Variants in NTPCR observed in about 807,000 individuals in gnomAD.
The protein encoded by NTPCR is cancer-related nucleoside-triphosphatase.
A neutral mutation model predicts 19.5 loss-of-function variants in NTPCR; 15 were observed. The observed-to-expected ratio is 0.77, with a 90% CI of 0.51 to 1.18. The LOEUF (loss-of-function observed/expected upper bound fraction) is 1.18. Among genes scored for constraint, NTPCR ranks in the 50% most tolerant of loss-of-function variants. The probability of loss-of-function intolerance (pLI) is 0.00; values close to 1 mark genes in which losing one functional copy is unlikely to be tolerated. For missense variants in NTPCR, 206 were observed against 240.4 expected (o/e 0.86, Z 0.95); for synonymous variants, 90 against 95.8 (o/e 0.94, Z 0.36).
chr1:232,957,136 CA>C (rs780588776), intron 3 of NTPCR, among the ~76,000 whole-genome samples: 5 of 152,196 alleles, frequency 3.3e-5, no homozygotes, highest in African/African-American at 7.2e-5. Flanking sequence ...TCTTTATTCA[CA>C]AAAGATATGG....
rs532543680 is a variant in NTPCR, at chr1:232,957,086, A to G, written c.294+643A>G. ...ATGATGTTAACTGTGTCTTATTTGTATAGAGTTTACTCAGGCGTATTTTGT... is the reference window on the plus strand; with the variant it reads ...ATGATGTTAACTGTGTCTTATTTGTGTAGAGTTTACTCAGGCGTATTTTGT... On this transcript the variant is annotated intron_variant, in intron 3 of 4. Coordinates refer to ENST00000366628, the MANE Select transcript of NTPCR (RefSeq NM_032324.3). Among the ~76,000 whole-genome samples the G allele has an allele frequency of 5.9e-5, 9 of 152,288 alleles. No homozygotes were observed. In the South Asian group the frequency reaches 6.2e-4, roughly 11 times the overall value.
chr1:232,951,884 A>G (rs1668374967), intron 1 of NTPCR, among the ~76,000 whole-genome samples: 1 of 152,124 alleles, frequency 6.6e-6, no homozygotes, highest in Admixed American at 6.5e-5. Flanking sequence ...CCTTTATTTG[A>G]AACTTGGAAT....
chr1:232,955,050 T>A (rs1245769903), intron 1 of NTPCR, among the ~76,000 whole-genome samples: 2 of 152,244 alleles, frequency 1.3e-5, no homozygotes, highest in East Asian at 1.9e-4. Flanking sequence ...GAGACACATT[T>A]TCAGGAGTTA....
intron 4 of NTPCR, among the ~76,000 whole-genome samples, chr1:232,973,373 G>C (rs1222427519): frequency 6.6e-6 from 1 of 152,186 alleles, no homozygotes; most frequent in Non-Finnish European, 1.5e-5. Context: ...TTTTAGACAA[G>C]ATAGAGTAGA....
intron 4 of NTPCR, 110 bp downstream of exon 4, chr1:232,970,228 T>C: frequency 1.2e-6 from 1 of 850,190 alleles, no homozygotes; most frequent in East Asian, 2.6e-5. Context: ...TTCCCTTCCA[T>C]GCTGAAATGT....
intron 1 of NTPCR, among the ~76,000 whole-genome samples, chr1:232,951,775 AG>A (rs1280472574): frequency 2.0e-5 from 3 of 152,130 alleles, no homozygotes; most frequent in African/African-American, 7.2e-5. Context: ...GTTGGGGAGC[AG>A]GGGGTGAGGA....
intron 3 of NTPCR, among the ~76,000 whole-genome samples, chr1:232,957,128 T>G (rs1668533338): frequency 6.6e-6 from 1 of 152,224 alleles, no homozygotes; most frequent in African/African-American, 2.4e-5. Context: ...TTTCTGCATC[T>G]TTATTCACAA....
rs796692879 is a variant in NTPCR, at chr1:232,960,349, CT to C, written c.294+3918del. 1.9e-3 allele frequency among the ~76,000 whole-genome samples: 267 copies of C among 142,122 alleles called. 1 individual carries two copies. The highest frequency in any genetic ancestry group is 0.012 in the East Asian group (60 of 4,862). 93.2% of individuals were successfully genotyped at this position (142,122 alleles called of 152,430 possible). ...ATGTTTCTTGTTTCTTTTTCTTTTC[CT>C]TTTTTTTTTTTGAGACAGAGTCTTG... is the stretch of plus-strand genomic sequence containing the variant. On this transcript the variant is annotated intron_variant, in intron 3 of 4. Coordinates refer to ENST00000366628, the MANE Select transcript of NTPCR (RefSeq NM_032324.3).
At chr1:232,970,214 T>A in intron 4 of NTPCR, 96 bp downstream of exon 4, 1 of 991,334 alleles carries the variant, frequency 1.0e-6, no homozygotes. Flanking sequence ...TGAGTTAACA[T>A]TTTTTCCCTT....
rs751586642 is a variant in NTPCR at position 232,976,423 on chromosome 1, C to T, written c.505-1740C>T. 10 of 1,550,628 alleles carry T rather than the reference C, an allele frequency of 6.4e-6. 1 individual carries two copies. Among genetic ancestry groups the T allele is most frequent in the South Asian group, 5.9e-5 (5 of 84,056 alleles). On this transcript the variant is annotated intron_variant, in intron 4 of 4. Transcript: ENST00000366628. ...CACTCTCACAGAGCCTGGCTGGAGG[C>T]AGAAGCTACTGCAATCACTGCTGAA...
At chr1:232,950,935 A>G (rs1571948780) in intron 1 of NTPCR, 191 bp downstream of exon 1, 1 of 566,876 alleles carries the variant, frequency 1.8e-6, no homozygotes, top group African/African-American at 1.9e-5. Flanking sequence ...TAAAAGACAC[A>G]GGGCCTAAAG....
chr1:232,970,758 T>A (rs1037668563), intron 4 of NTPCR, among the ~76,000 whole-genome samples: 2 of 152,240 alleles, frequency 1.3e-5, no homozygotes, highest in Admixed American at 6.5e-5. Context: ...GAATTAAACA[T>A]TTGGATTCTC....
Position 232,978,242 on chromosome 1 carries a change from A to G in NTPCR, c.*11A>G, listed in dbSNP as rs2102763056. ...AGCAGCAGGAAGTGAAGACACGTGC[A>G]TTCCTGCCTTCCGTGAAGGAGTGCC... On this transcript the variant is annotated 3_prime_UTR_variant, in exon 5 of 5. Coordinates refer to ENST00000366628, the MANE Select transcript of NTPCR (RefSeq NM_032324.3). 6.2e-7 allele frequency: 1 copy of G among 1,612,688 alleles called. No individual in the cohort carries two copies. The highest frequency in any genetic ancestry group is 2.2e-5 in the East Asian group (1 of 44,880).
In NTPCR at chr1:232,955,651, G is replaced by A. The variant is rs1668490976; in HGVS notation, c.129G>A (p.Gln43=). Residue 43 remains glutamine, a synonymous_variant, in exon 2 of 5, where the codon CAG becomes CAA. Transcript: ENST00000366628. ...GATTTTATACCGAAGAAGTCAGACA[G>A]GGAGGGAGAAGAATAGGATTCGATG... ...VDGFYTEEVR[Q]GGRRIGFDVV... 2 of 1,613,798 alleles carry A rather than the reference G, an allele frequency of 1.2e-6. No homozygotes were observed. The highest frequency in any genetic ancestry group is 2.7e-5 in the African/African-American group (2 of 74,960).
At chr1:232,953,327 C>T (rs1004902443) in intron 1 of NTPCR, among the ~76,000 whole-genome samples, 2 of 152,182 alleles carry the variant, frequency 1.3e-5, no homozygotes, top group African/African-American at 4.8e-5. Context: ...ATCTCGAGGT[C>T]TCCTGAAGCA....
At chr1:232,966,137 C>T (rs1167889171) in intron 3 of NTPCR, 1 of 152,186 alleles carries the variant, frequency 6.6e-6, no homozygotes, top group Non-Finnish European at 1.5e-5. Flanking sequence ...TAGCTAATAA[C>T]TTCAGTGGGT....
At position 232,983,138 on chromosome 1, in the gene NTPCR, T is replaced by TC. The variant is rs574649950; in HGVS notation, c.*4912dup. 73 of 152,238 alleles carry TC rather than the reference T, an allele frequency of 4.8e-4. No homozygotes were observed. The highest frequency in any genetic ancestry group is 1.7e-3 in the African/African-American group (72 of 41,564). 9.4% of individuals were successfully genotyped at this position (152,238 alleles called of 1,614,324 possible). A position where few individuals can be genotyped will look rare whatever the true frequency, so the allele number is the denominator to read the frequency against. ...GGCAAGAGATTCTCTACAATACCCTTCCCCCAACCCTCTCCTCAAATTTCC... is the reference window on the plus strand; with the variant it reads ...GGCAAGAGATTCTCTACAATACCCTTCCCCCCAACCCTCTCCTCAAATTTCC... On this transcript the variant is annotated 3_prime_UTR_variant, in exon 5 of 5. Transcript: ENST00000366628.
At chr1:232,969,780 A>C (rs1328306787) in intron 3 of NTPCR, 129 bp from the exon 4 acceptor site, 1 of 724,664 alleles carries the variant, frequency 1.4e-6, no homozygotes, top group African/African-American at 1.8e-5. Flanking sequence ...GGATGCTGTC[A>C]CTTTTTGAAA....
At chr1:232,966,695 C>G (rs1396830629) in intron 3 of NTPCR, 1 of 152,162 alleles carries the variant, frequency 6.6e-6, no homozygotes, top group Non-Finnish European at 1.5e-5. Context: ...TTTTAGGACT[C>G]TATCTAAGGA....
Sources: allele counts gnomAD v4.1 joint callset (sites outside exome capture counted in the v4.1 genomes callset), GRCh38; gene constraint gnomAD v4.1.1; transcripts MANE v1.5; gene names NCBI Gene and HGNC (gene_info 2026-07-23, HGNC 2026-07-21).